Variants in SDHAF2 observed in about 807,000 individuals in gnomAD.
SDHAF2 encodes succinate dehydrogenase assembly factor 2, mitochondrial.
SDHAF2 carries 21 observed loss-of-function variants against 18.5 expected under a neutral mutation model. That is an observed-to-expected ratio of 1.13 (90% CI 0.80 to 1.63). The LOEUF is 1.63. Ranked by LOEUF, SDHAF2 falls within the 40% of genes most tolerant of loss-of-function variation. The pLI is 0.00. For synonymous variants in SDHAF2, 84 were observed against 70.7 expected (o/e 1.19, Z -0.94); for missense variants, 195 against 200.3 (o/e 0.97, Z 0.16).
intron 3 of SDHAF2, among the ~76,000 whole-genome samples, 174 bp from the exon 4 acceptor site, chr11:61,445,767 C>T (rs1268044717): frequency 6.6e-6 from 1 of 152,170 alleles, no homozygotes; most frequent in Non-Finnish European, 1.5e-5. Flanking sequence ...AATATAGGCT[C>T]ACACAGTTTG....
chr11:61,440,856 T>A (rs1862057546), intron 3 of SDHAF2, among the ~76,000 whole-genome samples: 1 of 152,190 alleles, frequency 6.6e-6, no homozygotes, highest in South Asian at 2.1e-4. Context: ...AATTTCATAC[T>A]GTTTTCACCA....
chr11:61,430,178 C>T lies in SDHAF2; in HGVS notation c.32C>T (p.Ser11Leu), dbSNP rs148425779. The T allele has an allele frequency of 2.0e-4, 326 of 1,614,188 alleles. No individual in the cohort carries two copies. In the African/African-American group the frequency reaches 3.6e-3, roughly 18 times the overall value. Residue 11 changes from serine to leucine, a missense_variant, in exon 1 of 4, where the codon TCG becomes TTG. Coordinates refer to ENST00000301761, the MANE Select transcript of SDHAF2 (RefSeq NM_017841.4). MAVSTVFSTSSLMLALSRHSL... is the reference protein window; with the variant it reads MAVSTVFSTSLLMLALSRHSL... ...GTGTCTACAGTGTTCTCGACTTCGT[C>T]GCTGGTGAGGAGAGAGAACGTTCTA...
chr11:61,439,284 G>A (rs1201834853), intron 3 of SDHAF2, among the ~76,000 whole-genome samples: 3 of 152,108 alleles, frequency 2.0e-5, no homozygotes, highest in Non-Finnish European at 4.4e-5. Flanking sequence ...ATCCTAGCAT[G>A]TGTTTTCTAC....
chr11:61,436,715 C>T (rs879493758), intron 1 of SDHAF2: 16 of 441,036 alleles, frequency 3.6e-5, no homozygotes, highest in Non-Finnish European at 5.6e-5. Context: ...GTTTTGTGCT[C>T]ACCTGGGGAG....
At chr11:61,439,871 A>G (rs1302003092) in intron 3 of SDHAF2, among the ~76,000 whole-genome samples, 1 of 152,228 alleles carries the variant, frequency 6.6e-6, no homozygotes, top group Non-Finnish European at 1.5e-5. Flanking sequence ...GATTATTTCC[A>G]GCTTTAGGTG....
chr11:61,436,657 T>C (rs2134890833), intron 1 of SDHAF2: 1 of 368,594 alleles, frequency 2.7e-6, no homozygotes, highest in East Asian at 7.3e-5. Context: ...GGGAAGAGAC[T>C]ATGGCAAATG....
At position 61,446,228 on chromosome 11, in the gene SDHAF2, A is replaced by C. The variant is rs1042708462; in HGVS notation, c.*157A>C. 1.0e-5 allele frequency: 8 copies of C among 778,620 alleles called. No individual in the cohort carries two copies. Among genetic ancestry groups the C allele is most frequent in the Non-Finnish European group, 1.8e-5 (8 of 448,036 alleles). 48.2% of individuals were successfully genotyped at this position (778,620 alleles called of 1,614,324 possible). ...TGGACATAACCCTCTCCTAGGACAT[A>C]CATGTAAATGCACAATGTGACTCAT... On this transcript the variant is annotated 3_prime_UTR_variant, in exon 4 of 4. Transcript: ENST00000301761.
In SDHAF2 at chr11:61,430,174, T is replaced by A. The variant is rs1861838801; in HGVS notation, c.28T>A (p.Ser10Thr). The part of the protein sequence containing the change: MAVSTVFST[S>T]SLMLALSRHS... Reference sequence around the variant, plus strand: ...GGCGGTGTCTACAGTGTTCTCGACTTCGTCGCTGGTGAGGAGAGAGAACGT... The same window carrying A: ...GGCGGTGTCTACAGTGTTCTCGACTACGTCGCTGGTGAGGAGAGAGAACGT... The change falls in exon 1 of 4, where the codon TCG becomes ACG. Residue 10 changes from serine (S) to threonine (T), a missense_variant. Ser to Thr is a moderately conservative substitution (Grantham distance 58). Transcript: ENST00000301761. 2 of 1,614,098 alleles carry A rather than the reference T, an allele frequency of 1.2e-6. No homozygotes were observed. The highest frequency in any genetic ancestry group is 1.7e-6 in the Non-Finnish European group (2 of 1,180,042).
intron 1 of SDHAF2, chr11:61,437,026 T>C: frequency 8.5e-7 from 1 of 1,170,906 alleles, no homozygotes; most frequent in Non-Finnish European, 1.1e-6. Flanking sequence ...GGAAAAATTA[T>C]TTCTGCTGGG....
At chr11:61,441,887 C>CT (rs71046723) in intron 3 of SDHAF2, among the ~76,000 whole-genome samples, 99,750 of 140,660 alleles carry the variant, frequency 0.71, 38,751 homozygotes, top group East Asian at 0.97. Flanking sequence ...CCACTCCTCC[C>CT]TTTTTTTTTT....
chr11:61,445,908 G>A (rs1862131233), intron 3 of SDHAF2, 33 bp from the exon 4 acceptor site: 1 of 1,613,678 alleles, frequency 6.2e-7, no homozygotes. Flanking sequence ...ACTGACTATG[G>A]CATAATTTTT....
intron 3 of SDHAF2, chr11:61,438,462 A>G: frequency 2.1e-5 from 7 of 340,624 alleles, no homozygotes; most frequent in South Asian, 1.1e-4. Context: ...GCCTCCCAAA[A>G]TCCTGGGATT....
In SDHAF2 at chr11:61,446,374, A is replaced by C. The variant is rs1358114062; in HGVS notation, c.*303A>C. 1 of 598,664 alleles carries C rather than the reference A, an allele frequency of 1.7e-6. No homozygotes were observed. The highest frequency in any genetic ancestry group is 2.8e-5 in the East Asian group (1 of 36,354). The allele number at this position is 598,664 out of a possible 1,614,324, so 37.1% of individuals were successfully genotyped here. ...CTGCCACGAGAGGGCACTGCAGGCGAAGCAGTTGTGCTTGCTCATTGCCTC... is the reference window on the plus strand; with the variant it reads ...CTGCCACGAGAGGGCACTGCAGGCGCAGCAGTTGTGCTTGCTCATTGCCTC... On this transcript the variant is annotated 3_prime_UTR_variant, in exon 4 of 4. Transcript: ENST00000301761.
At chr11:61,430,438 AC>A (rs2135437348) in intron 1 of SDHAF2, 2 of 566,208 alleles carry the variant, frequency 3.5e-6, no homozygotes, top group South Asian at 4.6e-5. Flanking sequence ...CCTCTCACCT[AC>A]GTCCCAGGCG....
chr11:61,437,964 C>T, intron 2 of SDHAF2, 40 bp from the exon 3 acceptor site: 1 of 1,594,660 alleles, frequency 6.3e-7, no homozygotes, highest in East Asian at 2.2e-5. Flanking sequence ...TAGACACAGC[C>T]TTCTCAACCT....
At position 61,437,719 on chromosome 11, in the gene SDHAF2, A is replaced by C; in HGVS notation, c.131A>C (p.Gln44Pro). ...AGAGGTGACAGCCCAACAGATTCCCAAAAGGACATGATTGAAATCCCTTTG... is the reference window on the plus strand; with the variant it reads ...AGAGGTGACAGCCCAACAGATTCCCCAAAGGACATGATTGAAATCCCTTTG... ...FYRGDSPTDS[Q>P]KDMIEIPLPP... The change falls in exon 2 of 4, where the codon CAA (glutamine) becomes CCA (proline). Residue 44 changes from glutamine (Q) to proline (P), a missense_variant. Gln to Pro is a moderately conservative substitution (Grantham distance 76). Coordinates refer to ENST00000301761, the MANE Select transcript of SDHAF2 (RefSeq NM_017841.4). The C allele has an allele frequency of 6.2e-7, 1 of 1,614,208 alleles. No individual in the cohort carries two copies. The highest frequency in any genetic ancestry group is 1.1e-5 in the South Asian group (1 of 91,084).
At chr11:61,442,935 T>A (rs914206386) in intron 3 of SDHAF2, among the ~76,000 whole-genome samples, 4 of 152,184 alleles carry the variant, frequency 2.6e-5, no homozygotes, top group Non-Finnish European at 4.4e-5. Flanking sequence ...TTTGTATTTT[T>A]CACAGAGACG....
chr11:61,430,181 T>C lies in SDHAF2; in HGVS notation c.35T>C (p.Leu12Pro), dbSNP rs1590759677. 3.1e-6 allele frequency: 5 copies of C among 1,614,186 alleles called. No homozygotes were observed. Among genetic ancestry groups the C allele is most frequent in the Non-Finnish European group, 4.2e-6 (5 of 1,180,040 alleles). Reference protein sequence around the residue: ...AVSTVFSTSSLMLALSRHSLL... With the variant: ...AVSTVFSTSSPMLALSRHSLL... ...TCTACAGTGTTCTCGACTTCGTCGC[T>C]GGTGAGGAGAGAGAACGTTCTAGCG... The change falls in exon 1 of 4, where the codon CTG (leucine) becomes CCG (proline). Residue 12 changes from leucine to proline, a missense_variant and splice_region_variant. Physicochemically the swap from Leu to Pro is moderately conservative, Grantham distance 98 (BLOSUM62 -3). Transcript: ENST00000301761.
Position 61,446,002 on chromosome 11 carries a change from T to C in SDHAF2, c.432T>C (p.Ala144=). 2 of 1,614,164 alleles carry C rather than the reference T, an allele frequency of 1.2e-6. No individual in the cohort carries two copies. The highest frequency in any genetic ancestry group is 1.1e-5 in the South Asian group (1 of 91,086). ...TCATGGCCCTGCTGAGAGACTTTGC[T>C]AAAAACAAAAACAAAGAGCAGAGAC... is the stretch of plus-strand genomic sequence containing the variant. The part of the protein sequence containing the change: ...NEVMALLRDF[A]KNKNKEQRLR... Residue 144 remains alanine (A), a synonymous_variant, in exon 4 of 4, where the codon GCT becomes GCC. Coordinates refer to ENST00000301761, the MANE Select transcript of SDHAF2 (RefSeq NM_017841.4).
Sources: gnomAD v4.1 joint callset for allele counts (sites outside exome capture counted in the v4.1 genomes callset) on GRCh38, gnomAD v4.1.1 for gene constraint, MANE v1.5 for transcripts, NCBI Gene and HGNC (gene_info 2026-07-23, HGNC 2026-07-21) for gene names.